Variants in HVCN1 observed in about 807,000 individuals in gnomAD.
HVCN1 encodes voltage-gated hydrogen channel 1.
Under a neutral mutation model 29.2 loss-of-function variants are expected in HVCN1, and 14 were observed. The ratio of observed to expected loss-of-function variants is 0.48; its 90% CI spans 0.32 to 0.75. HVCN1 has a LOEUF of 0.75. Ranked by LOEUF, HVCN1 falls within the 30% of genes least tolerant of loss-of-function variation. HVCN1 has a pLI of 0.04. For synonymous variants in HVCN1, 131 were observed against 133.2 expected (o/e 0.98, Z 0.11); for missense variants, 263 against 341.8 (o/e 0.77, Z 1.82).
intron 3 of HVCN1, among the ~76,000 whole-genome samples, chr12:110,680,922 CCT>C (rs1222108038): frequency 1.3e-5 from 2 of 152,100 alleles, no homozygotes; most frequent in South Asian, 2.1e-4. Context: ...AGAACCAGGC[CCT>C]GTCTCAAAAA....
chr12:110,650,200 T>C lies in HVCN1; in HGVS notation c.724A>G (p.Ile242Val), dbSNP rs757522794. Reference sequence around the variant, plus strand: ...GAGCAGCTGAACTCAAGGTGTTGAATCTTGGCGGCCAATTGTACATTCATC... The same window carrying C: ...GAGCAGCTGAACTCAAGGTGTTGAACCTTGGCGGCCAATTGTACATTCATC... ...KQMNVQLAAK[I>V]QHLEFSCSEK... is the part of the protein sequence containing the mutation. Residue 242 changes from isoleucine to valine, a missense_variant, in exon 7 of 8, where the codon ATT becomes GTT. Physicochemically the swap from Ile to Val is conservative, Grantham distance 29. Transcript: ENST00000242607. 33 of 1,613,324 alleles carry C rather than the reference T, an allele frequency of 2.0e-5. 1 individual carries two copies. The South Asian group carries it at 3.6e-4, about 18-fold the overall frequency.
chr12:110,651,164 G>A, intron 6 of HVCN1, 53 bp downstream of exon 6: 2 of 1,352,692 alleles, frequency 1.5e-6, no homozygotes, highest in East Asian at 2.3e-5. Context: ...GGCCTTGGAT[G>A]TATGCCTGGG....
chr12:110,649,555 A>G, intron 7 of HVCN1, 80 bp from the exon 8 acceptor site: 3 of 1,012,532 alleles, frequency 3.0e-6, no homozygotes, highest in Non-Finnish European at 3.1e-6. Flanking sequence ...AGTGAGCCCC[A>G]GGCACAGGAC....
In HVCN1 at chr12:110,654,009, G is replaced by A. The variant is rs142906618; in HGVS notation, c.411+1225C>T. Among the ~76,000 whole-genome samples, 1,043 of 152,324 alleles carry A rather than the reference G, an allele frequency of 6.8e-3. 1 individual carries two copies. Among genetic ancestry groups the A allele is most frequent in the Non-Finnish European group, 9.4e-3 (639 of 68,040 alleles). Reference sequence around the variant, plus strand: ...TGTGAAGTCAAATGGCCAGACGGAAGCGTGTGTGCGTCCGTGGGGATGTAT... The same window carrying A: ...TGTGAAGTCAAATGGCCAGACGGAAACGTGTGTGCGTCCGTGGGGATGTAT... On this transcript the variant is annotated intron_variant, in intron 5 of 7. Coordinates refer to ENST00000242607, the MANE Select transcript of HVCN1 (RefSeq NM_032369.4).
intron 4 of HVCN1, among the ~76,000 whole-genome samples, chr12:110,657,398 G>T (rs767623805): frequency 6.6e-6 from 1 of 152,016 alleles, no homozygotes; most frequent in Non-Finnish European, 1.5e-5. Context: ...GGGAGGCTGA[G>T]GTAGGAGAAT....
intron 1 of HVCN1, among the ~76,000 whole-genome samples, 165 bp downstream of exon 1, chr12:110,688,915 G>T (rs1204395198): frequency 6.6e-6 from 1 of 152,150 alleles, no homozygotes; most frequent in Admixed American, 6.5e-5. Flanking sequence ...CGCCAGAGCC[G>T]AGGGCAACCG....
At chr12:110,670,295 G>A (rs1457867308) in intron 3 of HVCN1, among the ~76,000 whole-genome samples, 1 of 152,076 alleles carries the variant, frequency 6.6e-6, no homozygotes, top group African/African-American at 2.4e-5. Flanking sequence ...CGGAGAAAAA[G>A]GTACTTTTTA....
At chr12:110,686,039 C>T (rs2069169996) in intron 2 of HVCN1, among the ~76,000 whole-genome samples, 1 of 151,988 alleles carries the variant, frequency 6.6e-6, no homozygotes, top group Admixed American at 6.6e-5. Context: ...CGTTCTGTTG[C>T]CTAGGCTGGA....
intron 3 of HVCN1, among the ~76,000 whole-genome samples, chr12:110,672,698 A>AC (rs1348218996): frequency 2.0e-5 from 3 of 152,044 alleles, no homozygotes; most frequent in African/African-American, 7.2e-5. Flanking sequence ...TGCTGGAGGC[A>AC]CCCGGGGGAG....
chr12:110,655,392 C>G (rs1214660102), intron 4 of HVCN1, 54 bp from the exon 5 acceptor site: 2 of 1,345,058 alleles, frequency 1.5e-6, no homozygotes, highest in Non-Finnish European at 2.1e-6. Flanking sequence ...GAGGCCCTCC[C>G]TCTCCCATCA....
intron 2 of HVCN1, among the ~76,000 whole-genome samples, chr12:110,699,642 C>G (rs2069543227): frequency 6.6e-6 from 1 of 152,066 alleles, no homozygotes; most frequent in South Asian, 2.1e-4. Flanking sequence ...GAATGTGAGG[C>G]TGAAGAGTGA....
At chr12:110,672,612 C>T (rs1020666043) in intron 3 of HVCN1, among the ~76,000 whole-genome samples, 3 of 152,082 alleles carry the variant, frequency 2.0e-5, no homozygotes, top group Non-Finnish European at 4.4e-5. Flanking sequence ...GATACCAAAC[C>T]TATTAGATAT....
rs913015773 is a variant in HVCN1, at chr12:110,661,082, G to A, written c.306+82C>T. 7.4e-7 allele frequency: 1 copy of A among 1,358,630 alleles called. No individual in the cohort carries two copies. The highest frequency in any genetic ancestry group is 1.5e-5 in the African/African-American group (1 of 68,774). The allele number at this position is 1,358,630 out of a possible 1,614,324, so 84.2% of individuals were successfully genotyped here. ...AGAATGAATGAGGCAGTGGCCAAAT[G>A]GGCTCAGCCTGGCCGCCTGCCTCAC... On this transcript the variant is annotated intron_variant, in intron 4 of 7. Coordinates refer to ENST00000242607, the MANE Select transcript of HVCN1 (RefSeq NM_032369.4). The surrounding 1 kb of genome is among the most constrained non-coding windows in gnomAD (Gnocchi z 6.2).
At chr12:110,667,980 A>T (rs975566252) in intron 3 of HVCN1, among the ~76,000 whole-genome samples, 14 of 152,242 alleles carry the variant, frequency 9.2e-5, no homozygotes, top group African/African-American at 3.4e-4. Context: ...TGCCAGAAGC[A>T]GAAAAGCTCC....
chr12:110,697,659 T>C (rs1282978332), intron 2 of HVCN1, among the ~76,000 whole-genome samples: 2 of 151,188 alleles, frequency 1.3e-5, no homozygotes, highest in Non-Finnish European at 3.0e-5. Context: ...CTTTTTTTTT[T>C]TTTTTTTTTG....
At chr12:110,654,882 GT>G (rs2067937470) in intron 5 of HVCN1, among the ~76,000 whole-genome samples, 1 of 152,080 alleles carries the variant, frequency 6.6e-6, no homozygotes, top group Admixed American at 6.5e-5. Flanking sequence ...AACTGAATCA[GT>G]GAATAAACAG....
Position 110,649,483 on chromosome 12 carries a change from A to G in HVCN1, c.757-8T>C. ...TCTTTCAATTTCTTGTTCCTATTGC[A>G]AAAGCAGACAAACACTGGAATTTAC... On this transcript the variant is annotated splice_region_variant and splice_polypyrimidine_tract_variant and intron_variant, in intron 7 of 7. Transcript: ENST00000242607. The G allele has an allele frequency of 6.3e-7, 1 of 1,592,806 alleles. No homozygotes were observed. Among genetic ancestry groups the G allele is most frequent in the Non-Finnish European group, 8.6e-7 (1 of 1,165,224 alleles).
In HVCN1 at chr12:110,678,217, C is replaced by G. The variant is rs369848009; in HGVS notation, c.21+5008G>C. Among the ~76,000 whole-genome samples, 62 of 152,276 alleles carry G rather than the reference C, an allele frequency of 4.1e-4. No homozygotes were observed. The East Asian group carries it at 0.011, about 27-fold the overall frequency. On this transcript the variant is annotated intron_variant, in intron 3 of 7. Coordinates refer to ENST00000242607, the MANE Select transcript of HVCN1 (RefSeq NM_032369.4). The stretch of plus-strand genomic sequence containing the variant: ...CAACCCAGGCTGCCAAGCCCAGCTC[C>G]CCCTCCTCCTGCGGGACCCCTCATG...
At chr12:110,680,973 A>AT (rs1023397794) in intron 3 of HVCN1, among the ~76,000 whole-genome samples, 32 of 152,226 alleles carry the variant, frequency 2.1e-4, no homozygotes, top group African/African-American at 7.2e-4. Context: ...TTTCTATCTT[A>AT]TTTTTTACCA....
Sources: gnomAD v4.1 joint callset for allele counts (sites outside exome capture counted in the v4.1 genomes callset) on GRCh38, gnomAD v4.1.1 for gene constraint, Gnocchi (gnomAD v3.1) non-coding constraint, MANE v1.5 for transcripts, NCBI Gene and HGNC (gene_info 2026-07-23, HGNC 2026-07-21) for gene names.